Variants in TENM3 observed in about 807,000 individuals in gnomAD.
TENM3 encodes teneurin transmembrane protein 3.
Under a neutral mutation model 255.1 loss-of-function variants are expected in TENM3, and 63 were observed. The observed-to-expected ratio is 0.25, with a 90% confidence interval of 0.20 to 0.30. The LOEUF (loss-of-function observed/expected upper bound fraction) is 0.30, where lower values mean the gene tolerates loss of function less well. TENM3 is among the 10% of genes least tolerant of loss of function. The probability of loss-of-function intolerance (pLI) is 1.00; values close to 1 mark genes in which losing one functional copy is unlikely to be tolerated. For synonymous variants in TENM3, 1,306 were observed against 1,322.3 expected (o/e 0.99, Z 0.27); for missense variants, 2,929 against 3,461.1 (o/e 0.85, Z 3.86).
intron 1 of TENM3, among the ~76,000 whole-genome samples, chr4:182,303,512 A>G (rs1043628154): frequency 2.0e-5 from 3 of 152,162 alleles, no homozygotes; most frequent in Admixed American, 6.5e-5. Context: ...ATTGTATCCA[A>G]TGCAACTGTG....
the TENM3 span, among the ~76,000 whole-genome samples, chr4:181,734,602 T>C: frequency 6.6e-6 from 1 of 152,184 alleles, no homozygotes; most frequent in African/African-American, 2.4e-5. Context: ...AAGAGATTCA[T>C]ATTTTACATG....
At chr4:182,530,372 A>G (rs535497815) in intron 3 of TENM3, among the ~76,000 whole-genome samples, 9 of 152,270 alleles carry the variant, frequency 5.9e-5, no homozygotes, top group Middle Eastern at 6.8e-3. Flanking sequence ...TTTTACTTAT[A>G]TTGCCCTGTT....
At chr4:181,674,490 G>A in the TENM3 span, among the ~76,000 whole-genome samples, 43 of 151,660 alleles carry the variant, frequency 2.8e-4, no homozygotes, top group Admixed American at 4.6e-4. Context: ...TTCCTTTTGT[G>A]CAAGACTTCT....
At chr4:182,679,949 C>G (rs1159098897) in intron 8 of TENM3, 73 bp downstream of exon 8, 4 of 1,330,368 alleles carry the variant, frequency 3.0e-6, no homozygotes, top group Non-Finnish European at 4.2e-6. Context: ...ACTAAATTAT[C>G]TGTACCAATT....
At chr4:182,342,109 C>T (rs1287428292) in intron 2 of TENM3, among the ~76,000 whole-genome samples, 3 of 152,268 alleles carry the variant, frequency 2.0e-5, no homozygotes, top group South Asian at 2.1e-4. Context: ...ACAGAGTTAC[C>T]ATATACCCCA....
intron 3 of TENM3, among the ~76,000 whole-genome samples, chr4:182,420,294 A>C (rs150716551): frequency 6.6e-6 from 1 of 152,298 alleles, no homozygotes; most frequent in African/African-American, 2.4e-5. Flanking sequence ...GTGGCCATGA[A>C]ATGAATTAAT....
chr4:181,585,126 T>G, the TENM3 span, among the ~76,000 whole-genome samples: 1 of 152,094 alleles, frequency 6.6e-6, no homozygotes, highest in East Asian at 1.9e-4. Flanking sequence ...GTAAGAAAAG[T>G]GCAGAACTTG....
the TENM3 span, among the ~76,000 whole-genome samples, chr4:181,749,111 C>G: frequency 6.6e-6 from 1 of 151,910 alleles, no homozygotes; most frequent in Non-Finnish European, 1.5e-5. Flanking sequence ...CAAGATTGTT[C>G]CAGAGGAGAT....
chr4:182,168,782 C>T (rs1751891626), intron 1 of TENM3, among the ~76,000 whole-genome samples: 1 of 151,806 alleles, frequency 6.6e-6, no homozygotes, highest in African/African-American at 2.4e-5. Context: ...GAATTTTCTT[C>T]TCTAAGTGGA....
At chr4:181,784,761 A>G in the TENM3 span, among the ~76,000 whole-genome samples, 2 of 152,184 alleles carry the variant, frequency 1.3e-5, no homozygotes, top group Admixed American at 1.3e-4. Flanking sequence ...GTGATAATTC[A>G]TGATTCAGAA....
intron 3 of TENM3, among the ~76,000 whole-genome samples, chr4:182,592,056 G>A (rs1581039066): frequency 6.6e-6 from 1 of 151,536 alleles, no homozygotes; most frequent in Non-Finnish European, 1.5e-5. Flanking sequence ...GACAAAAGAG[G>A]CATTTTAATG....
chr4:181,926,154 T>C, the TENM3 span, among the ~76,000 whole-genome samples: 7 of 152,242 alleles, frequency 4.6e-5, no homozygotes, highest in Non-Finnish European at 7.3e-5. Flanking sequence ...TAAATAAACC[T>C]GAAATTTCTA....
At chr4:181,535,798 A>T in the TENM3 span, among the ~76,000 whole-genome samples, 1 of 151,958 alleles carries the variant, frequency 6.6e-6, no homozygotes. Context: ...CTCAGCCCCT[A>T]CTTCCTTAGA....
chr4:182,756,518 G>A (rs561314504), intron 22 of TENM3, among the ~76,000 whole-genome samples: 2 of 152,274 alleles, frequency 1.3e-5, no homozygotes, highest in South Asian at 2.1e-4. Flanking sequence ...GTTGACAAAC[G>A]CAAAATAGTC....
chr4:182,223,370 A>G (rs1387714095), intron 1 of TENM3, among the ~76,000 whole-genome samples: 3 of 152,180 alleles, frequency 2.0e-5, no homozygotes, highest in Admixed American at 2.0e-4. Context: ...TTTCAAAATT[A>G]TATACCACTT....
chr4:181,761,214 T>A, the TENM3 span, among the ~76,000 whole-genome samples: 1 of 152,100 alleles, frequency 6.6e-6, no homozygotes, highest in African/African-American at 2.4e-5. Context: ...TCATTATCAG[T>A]CTTACAGTGT....
the TENM3 span, among the ~76,000 whole-genome samples, chr4:181,567,457 A>T: frequency 6.6e-6 from 1 of 152,238 alleles, no homozygotes; most frequent in East Asian, 1.9e-4. Context: ...AACATAAATT[A>T]TTTAATTACC....
intron 3 of TENM3, among the ~76,000 whole-genome samples, chr4:182,598,477 A>T (rs2175931): frequency 2.6e-4 from 40 of 152,180 alleles, no homozygotes; most frequent in Non-Finnish European, 4.0e-4. Flanking sequence ...TAAGGAAAGC[A>T]GCAGCTGCTT....
intron 3 of TENM3, among the ~76,000 whole-genome samples, chr4:182,504,853 T>G (rs1040548779): frequency 6.6e-6 from 1 of 152,196 alleles, no homozygotes; most frequent in Admixed American, 6.5e-5. Flanking sequence ...TGTTCTGCAT[T>G]GTTTACTGCC....
Sources: gnomAD v4.1 joint callset for allele counts (sites outside exome capture counted in the v4.1 genomes callset) on GRCh38, gnomAD v4.1.1 for gene constraint, MANE v1.5 for transcripts, NCBI Gene and HGNC (gene_info 2026-07-23, HGNC 2026-07-21) for gene names.